NUP98: variants seen among roughly 807,000 people sequenced by gnomAD.
NUP98 encodes the protein nucleoporin 98 and 96 precursor.
NUP98 carries 26 observed loss-of-function variants against 191.9 expected under a neutral mutation model. The observed-to-expected ratio is 0.14, with a 90% confidence interval of 0.10 to 0.19. The LOEUF is 0.19. Ranked by LOEUF, NUP98 falls within the 10% of genes least tolerant of loss-of-function variation. The pLI, the probability that NUP98 is intolerant of heterozygous loss-of-function variation, is 1.00. For missense variants in NUP98, 1,941 were observed against 2,178.8 expected (o/e 0.89, Z 2.17); for synonymous variants, 808 against 778.4 (o/e 1.04, Z -0.63).
At chr11:3,676,429 G>C in intron 32 of NUP98, 53 bp from the exon 33 acceptor site, 1 of 1,605,898 alleles carries the variant, frequency 6.2e-7, no homozygotes, top group Non-Finnish European at 8.5e-7. Flanking sequence ...GAGAAGGGTG[G>C]TAGGCACTGA....
chr11:3,699,022 T>C, intron 25 of NUP98, 60 bp downstream of exon 25: 1 of 1,582,488 alleles, frequency 6.3e-7, no homozygotes, highest in Non-Finnish European at 8.6e-7. Flanking sequence ...CGGGGAGCGG[T>C]AGGAGGCAGT....
chr11:3,712,809 C>T, intron 19 of NUP98, 81 bp from the exon 20 acceptor site: 2 of 1,430,988 alleles, frequency 1.4e-6, no homozygotes, highest in Admixed American at 2.2e-5. Flanking sequence ...GCAGCATTAC[C>T]TTAAGAAAAA....
chr11:3,720,973 T>TGA (rs1554891492), intron 16 of NUP98, 148 bp from the exon 17 acceptor site: 5 of 517,406 alleles, frequency 9.7e-6, no homozygotes, highest in African/African-American at 5.1e-5. Flanking sequence ...AAGGGGTGTG[T>TGA]GAGTGTGTGT....
At chr11:3,788,235 TC>T (rs2082209577) in intron 1 of NUP98, among the ~76,000 whole-genome samples, 2 of 152,206 alleles carry the variant, frequency 1.3e-5, no homozygotes, top group Admixed American at 6.5e-5. Context: ...AGCATTTTTT[TC>T]ATCCCCTTAA....
At chr11:3,790,163 G>T (rs753263893) in intron 1 of NUP98, among the ~76,000 whole-genome samples, 7 of 152,182 alleles carry the variant, frequency 4.6e-5, no homozygotes, top group Non-Finnish European at 8.8e-5. Flanking sequence ...GATGTGAAGT[G>T]ATGAGTGACT....
In NUP98 at chr11:3,676,618, C is replaced by T; in HGVS notation, c.5076G>A (p.Val1692=). ...GCTCCAGGTCATTACCTGAGCAATCCACCTACAAAGAAGCAGAGAAGCCAA... is the reference window on the plus strand; with the variant it reads ...GCTCCAGGTCATTACCTGAGCAATCTACCTACAAAGAAGCAGAGAAGCCAA... ...VIEMLRHIQQ[V]DCSGNDLEQL... is the part of the protein sequence containing the mutation. Residue 1692 remains valine, a splice_region_variant and synonymous_variant, in exon 32 of 33, where the codon GTG becomes GTA. Coordinates refer to ENST00000324932, the MANE Select transcript of NUP98 (RefSeq NM_016320.5). The T allele has an allele frequency of 6.2e-7, 1 of 1,612,252 alleles. No individual in the cohort carries two copies. Among genetic ancestry groups the T allele is most frequent in the Non-Finnish European group, 8.5e-7 (1 of 1,178,374 alleles).
intron 24 of NUP98, 54 bp from the exon 25 acceptor site, chr11:3,699,402 A>C: frequency 6.3e-7 from 1 of 1,585,052 alleles, no homozygotes; most frequent in Non-Finnish European, 8.7e-7. Context: ...CAACAACTTC[A>C]CAGAGGGCAT....
Position 3,723,281 on chromosome 11 carries a change from T to G in NUP98, c.2022A>C (p.Leu674Phe). ...SNSVDDTIVA[L>F]NMRAALRNGL... ...CATTTCGCAAAGCAGCACGCATGTT[T>G]AATGCAACAATGGTATCATCCACAC... Residue 674 changes from leucine (L) to phenylalanine (F), a missense_variant, in exon 16 of 33, where the codon TTA (leucine) becomes TTC (phenylalanine). Transcript: ENST00000324932. 1 of 1,614,188 alleles carries G rather than the reference T, an allele frequency of 6.2e-7. No homozygotes were observed. Among genetic ancestry groups the G allele is most frequent in the Non-Finnish European group, 8.5e-7 (1 of 1,180,028 alleles).
In NUP98 at chr11:3,723,189, A is replaced by G. The variant is rs1046163525; in HGVS notation, c.2114T>C (p.Ile705Thr). The change falls in exon 16 of 33, where the codon ATA becomes ACA. Residue 705 changes from isoleucine to threonine, a missense_variant. Physicochemically the swap from Ile to Thr is moderately conservative, Grantham distance 89. Transcript: ENST00000324932. ...GTGCATATGGTAAGAATTATTTTCT[A>G]TTTCTTCTCGGTCATCCTGAAGTGA... is the stretch of plus-strand genomic sequence containing the variant. ...DESLQDDREEIENNSYHMHPA... is the reference protein window; with the variant it reads ...DESLQDDREETENNSYHMHPA... 5 of 1,614,028 alleles carry G rather than the reference A, an allele frequency of 3.1e-6. No homozygotes were observed. Among genetic ancestry groups the G allele is most frequent in the East Asian group, 4.5e-5 (2 of 44,896 alleles).
intron 8 of NUP98, among the ~76,000 whole-genome samples, chr11:3,765,479 T>C (rs577593421): frequency 6.6e-6 from 1 of 152,332 alleles, no homozygotes; most frequent in South Asian, 2.1e-4. Context: ...AACAGTTTTA[T>C]AATTTTAGGT....
At chr11:3,690,889 AT>A (rs1326097491) in intron 28 of NUP98, among the ~76,000 whole-genome samples, 4 of 152,228 alleles carry the variant, frequency 2.6e-5, no homozygotes, top group Non-Finnish European at 2.9e-5. Context: ...ATGAAAAAAA[AT>A]CTCACAATTA....
Position 3,760,546 on chromosome 11 carries a change from C to T in NUP98, c.1167G>A (p.Gly389=). Residue 389 remains glycine (G), a synonymous_variant, in exon 10 of 33, where the codon GGG becomes GGA. Coordinates refer to ENST00000324932, the MANE Select transcript of NUP98 (RefSeq NM_016320.5). ...SAPSFGTTSG[G]LFGFGTNTSG... ...TCAGGGTTGGTTTGTTACCAAAGAGCCCGCCACTGGTTGTACCAAATGAAG... is the reference window on the plus strand; with the variant it reads ...TCAGGGTTGGTTTGTTACCAAAGAGTCCGCCACTGGTTGTACCAAATGAAG... 6.2e-7 allele frequency: 1 copy of T among 1,613,960 alleles called. No individual in the cohort carries two copies. Among genetic ancestry groups the T allele is most frequent in the Non-Finnish European group, 8.5e-7 (1 of 1,179,892 alleles).
intron 1 of NUP98, among the ~76,000 whole-genome samples, chr11:3,785,749 ACT>A (rs1286008576): frequency 3.3e-5 from 5 of 152,168 alleles, no homozygotes; most frequent in Admixed American, 6.5e-5. Flanking sequence ...ACACAGTGAG[ACT>A]CTGTCTCAAC....
chr11:3,676,649 C>A, intron 31 of NUP98, 29 bp from the exon 32 acceptor site: 1 of 1,535,612 alleles, frequency 6.5e-7, no homozygotes, highest in Non-Finnish European at 9.0e-7. Context: ...GCCAATTAAT[C>A]CAAGGGGAGT....
chr11:3,739,438 G>A (rs1329979782), intron 12 of NUP98, among the ~76,000 whole-genome samples: 5 of 151,950 alleles, frequency 3.3e-5, no homozygotes, highest in East Asian at 1.9e-4. Context: ...TAGTAGAGAC[G>A]GGGTTTCACC....
In NUP98 at chr11:3,675,533, C is replaced by CT. The variant is rs1213894226; in HGVS notation, c.*625dup. On this transcript the variant is annotated 3_prime_UTR_variant, in exon 33 of 33. Transcript: ENST00000324932. ...TAGCAAAGGTATGGTGTTCATGGAA[C>CT]TCTAAAGGCAGGAACAAAAACAGCC... The CT allele has an allele frequency of 2.6e-5, 6 of 233,460 alleles. No individual in the cohort carries two copies. The highest frequency in any genetic ancestry group is 5.1e-5 in the Non-Finnish European group (6 of 117,988). 14.5% of individuals were successfully genotyped at this position (233,460 alleles called of 1,614,324 possible).
rs150467113 is a variant in NUP98 at position 3,705,240 on chromosome 11, G to A, written c.3042C>T (p.Leu1014=). The change falls in exon 22 of 33, where the codon CTC becomes CTT. Residue 1014 remains leucine, a synonymous_variant. Transcript: ENST00000324932. ...TCGACGAGTGGGATGCTGAAATGGG[G>A]AGTCTGGGAGAACAGATTTCTTGAG... ...DTSQEICSPR[L]PISASHSSKT... 6 of 1,614,096 alleles carry A rather than the reference G, an allele frequency of 3.7e-6. No individual in the cohort carries two copies. Among genetic ancestry groups the A allele is most frequent in the Non-Finnish European group, 4.2e-6 (5 of 1,180,040 alleles).
chr11:3,797,290 G>A, intron 1 of NUP98, 110 bp downstream of exon 1: 1 of 398,070 alleles, frequency 2.5e-6, no homozygotes, highest in Non-Finnish European at 4.4e-6. Context: ...GCGCGCAGCG[G>A]CGCTAGACTT....
Position 3,686,271 on chromosome 11 carries a change from G to C in NUP98, c.4455-77C>G. On this transcript the variant is annotated intron_variant, in intron 28 of 32. Transcript: ENST00000324932. Reference sequence around the variant, plus strand: ...CTGATATGTCAACTGTTCTGCTTATGTCTAAGACAATAAAAGAACCTGAGA... The same window carrying C: ...CTGATATGTCAACTGTTCTGCTTATCTCTAAGACAATAAAAGAACCTGAGA... The C allele has an allele frequency of 2.3e-6, 3 of 1,296,356 alleles. No homozygotes were observed. In the South Asian group the frequency reaches 3.7e-5, roughly 16 times the overall value. The allele number at this position is 1,296,356 out of a possible 1,614,324, so 80.3% of individuals were successfully genotyped here. A position where few individuals can be genotyped will look rare whatever the true frequency, so the allele number is the denominator to read the frequency against.
Sources: allele counts gnomAD v4.1 joint callset (sites outside exome capture counted in the v4.1 genomes callset), GRCh38; gene constraint gnomAD v4.1.1; transcripts MANE v1.5; gene names NCBI Gene and HGNC (gene_info 2026-07-23, HGNC 2026-07-21).